FRMPD4: variants seen among roughly 807,000 people sequenced by gnomAD.
FRMPD4 encodes FERM and PDZ domain-containing protein 4.
FRMPD4 carries 22 observed loss-of-function variants against 94.1 expected under a neutral mutation model. The ratio of observed to expected loss-of-function variants is 0.23; its 90% CI spans 0.17 to 0.33. The LOEUF (loss-of-function observed/expected upper bound fraction) is 0.33. FRMPD4 is among the 10% of genes least tolerant of loss of function. The pLI, the probability that FRMPD4 is intolerant of heterozygous loss-of-function variation, is 1.00. For missense variants in FRMPD4, 1,111 were observed against 1,339.9 expected (o/e 0.83, Z 2.67); for synonymous variants, 631 against 548.6 (o/e 1.15, Z -2.10).
At chrX:12,350,051 G>T (rs1383568752) in intron 1 of FRMPD4, among the ~76,000 whole-genome samples, 1 of 111,342 alleles carries the variant, frequency 9.0e-6, no homozygotes, top group Admixed American at 9.5e-5. Flanking sequence ...ATTGTTAATA[G>T]ACCCTGTCTA....
intron 1 of FRMPD4, among the ~76,000 whole-genome samples, chrX:12,301,588 A>G (rs1384477058): frequency 3.6e-5 from 4 of 112,185 alleles, no homozygotes; most frequent in Non-Finnish European, 7.5e-5. Flanking sequence ...CAGTGTAGTC[A>G]TTGCATTTTC....
intron 1 of FRMPD4, among the ~76,000 whole-genome samples, chrX:12,353,329 T>C (rs937133343): frequency 9.8e-5 from 11 of 112,040 alleles, no homozygotes; most frequent in Non-Finnish European, 1.3e-4. Context: ...CTCAAACACT[T>C]TCTCTGCATG....
intron 1 of FRMPD4, among the ~76,000 whole-genome samples, chrX:12,359,694 T>G (rs1371525626): frequency 9.0e-6 from 1 of 111,335 alleles, no homozygotes; most frequent in Non-Finnish European, 1.9e-5. Flanking sequence ...GGTCTTGAAC[T>G]CCCGACCTCA....
In FRMPD4 at chrX:12,293,221, G is replaced by A. The variant is rs765543666; in HGVS notation, c.41+154209G>A. On this transcript the variant is annotated intron_variant, in intron 1 of 16. Coordinates refer to ENST00000675598, the MANE Select transcript of FRMPD4 (RefSeq NM_001368397.1). ...AAAGAATGCTAAGAATTATGTGGCA[G>A]AAATAGTTCTGGCAAGTAGATTTAC... Among the ~76,000 whole-genome samples, 74 of 112,415 alleles carry A rather than the reference G, an allele frequency of 6.6e-4. No individual in the cohort carries two copies. The Middle Eastern group carries it at 0.014, about 21-fold the overall frequency.
chrX:12,142,145 T>TA (rs2055701262), intron 1 of FRMPD4, among the ~76,000 whole-genome samples: 1 of 111,760 alleles, frequency 8.9e-6, no homozygotes, highest in Non-Finnish European at 1.9e-5. Context: ...CCACTGTTGA[T>TA]ATGATGATTT....
At chrX:12,067,036 GTTT>G (rs751444352) in intron 3 of FRMPD4, among the ~76,000 whole-genome samples, 1 of 108,579 alleles carries the variant, frequency 9.2e-6, no homozygotes, top group Non-Finnish European at 1.9e-5. Flanking sequence ...TGCCCAGCTA[GTTT>G]TTTTTGTATT....
chrX:12,261,292 GATAAAA>G (rs1260333190), intron 1 of FRMPD4, among the ~76,000 whole-genome samples: 52 of 111,842 alleles, frequency 4.6e-4, no homozygotes, highest in Non-Finnish European at 8.1e-4. Flanking sequence ...CATTATAGCT[GATAAAA>G]ATAGAATGTA....
intron 3 of FRMPD4, among the ~76,000 whole-genome samples, chrX:11,985,210 G>A (rs1456312708): frequency 8.9e-6 from 1 of 111,990 alleles, no homozygotes; most frequent in Non-Finnish European, 1.9e-5. Context: ...TACCAGCTCA[G>A]CCATAGTAGG....
intron 3 of FRMPD4, among the ~76,000 whole-genome samples, chrX:12,106,569 G>A (rs977985896): frequency 1.8e-5 from 2 of 111,321 alleles, no homozygotes; most frequent in African/African-American, 6.5e-5. Context: ...GACAGTGGGT[G>A]CAGCCCACCG....
intron 1 of FRMPD4, among the ~76,000 whole-genome samples, chrX:12,400,354 C>A (rs944684592): frequency 8.9e-6 from 1 of 112,058 alleles, no homozygotes; most frequent in African/African-American, 3.2e-5. Context: ...CTGCCTAAAG[C>A]AGAGAGAAAA....
At chrX:12,493,185 G>A (rs1054392263) in intron 1 of FRMPD4, among the ~76,000 whole-genome samples, 5 of 111,061 alleles carry the variant, frequency 4.5e-5, no homozygotes, top group African/African-American at 1.3e-4. Context: ...CACATTGCAT[G>A]TCAACCCAAA....
chrX:12,630,482 G>C (rs1436966479), intron 4 of FRMPD4, among the ~76,000 whole-genome samples: 1 of 112,348 alleles, frequency 8.9e-6, no homozygotes, highest in African/African-American at 3.2e-5. Context: ...GAAGATAAGA[G>C]TGTATAGAGG....
rs201848420 is a variant in FRMPD4, at chrX:12,705,724, A to AT, written c.1198-1093dup. Among the ~76,000 whole-genome samples the AT allele has an allele frequency of 4.5e-3, 488 of 109,574 alleles. 1 individual carries two copies. Among genetic ancestry groups the AT allele is most frequent in the Non-Finnish European group, 7.7e-3 (404 of 52,375 alleles). On this transcript the variant is annotated intron_variant, in intron 11 of 16. Transcript: ENST00000675598. ...AGCTAATTTCTATAATTGACTTGTGATTTTTTTTTCAAGCCTGGCCCACTC... is the reference window on the plus strand; with the variant it reads ...AGCTAATTTCTATAATTGACTTGTGATTTTTTTTTTCAAGCCTGGCCCACTC...
intron 1 of FRMPD4, among the ~76,000 whole-genome samples, chrX:12,158,676 A>T (rs771864994): frequency 5.8e-4 from 65 of 111,638 alleles, no homozygotes; most frequent in Non-Finnish European, 9.6e-4. Context: ...CTTTGTGTGT[A>T]GTTGTATTTC....
intron 3 of FRMPD4, among the ~76,000 whole-genome samples, chrX:12,111,364 C>T (rs2055359627): frequency 1.8e-5 from 2 of 111,667 alleles, no homozygotes; most frequent in African/African-American, 6.5e-5. Flanking sequence ...ACTGGCTAGC[C>T]ACATGTAGAA....
intron 3 of FRMPD4, among the ~76,000 whole-genome samples, chrX:12,100,162 T>G (rs892816969): frequency 1.8e-5 from 2 of 112,319 alleles, no homozygotes; most frequent in African/African-American, 6.5e-5. Flanking sequence ...CTCAACTATT[T>G]GGTGGAACTT....
intron 1 of FRMPD4, among the ~76,000 whole-genome samples, chrX:11,829,635 A>G (rs1317174152): frequency 1.8e-5 from 2 of 111,668 alleles, no homozygotes; most frequent in African/African-American, 3.3e-5. Flanking sequence ...TCATAAGTCT[A>G]TTTTTGAAGA....
intron 1 of FRMPD4, among the ~76,000 whole-genome samples, chrX:11,831,218 G>GA (rs1056675550): frequency 2.7e-5 from 3 of 109,940 alleles, no homozygotes; most frequent in Admixed American, 9.8e-5. Context: ...ATCTTATAAT[G>GA]AAAAAAAATT....
At chrX:11,853,913 G>T (rs2053639647) in intron 1 of FRMPD4, among the ~76,000 whole-genome samples, 1 of 112,118 alleles carries the variant, frequency 8.9e-6, no homozygotes, top group Non-Finnish European at 1.9e-5. Context: ...CCCAAACCTG[G>T]CAGAGATACA....
Sources: allele counts gnomAD v4.1 joint callset (sites outside exome capture counted in the v4.1 genomes callset), GRCh38; gene constraint gnomAD v4.1.1; transcripts MANE v1.5; gene names NCBI Gene and HGNC (gene_info 2026-07-23, HGNC 2026-07-21).